Variants in AK9 observed in about 807,000 individuals in gnomAD.
AK9 encodes the protein adenylate kinase 9.
A neutral mutation model predicts 239.6 loss-of-function variants in AK9; 191 were observed. That is an observed-to-expected ratio of 0.80 (90% confidence interval 0.71 to 0.90). The LOEUF is 0.90. AK9 is among the 40% of genes least tolerant of loss of function. The pLI is 0.00. For synonymous variants in AK9, 689 were observed against 721.0 expected, an observed-to-expected ratio of 0.96 and a Z score of 0.71; for missense variants, 1,995 against 2,214.7, an observed-to-expected ratio of 0.90 and a Z score of 1.99.
intron 6 of AK9, among the ~76,000 whole-genome samples, chr6:109,662,283 G>T (rs1202271463): frequency 1.3e-5 from 2 of 152,166 alleles, no homozygotes. Context: ...CGGGGTAGTT[G>T]TCAGGGAAAG....
rs780947956 is a variant in AK9 at position 109,506,560 on chromosome 6, CAG to C, written c.4629-15_4629-14del. 1.2e-5 allele frequency: 18 copies of C among 1,561,372 alleles called. No individual in the cohort carries two copies. The South Asian group carries it at 1.5e-4, about 13-fold the overall frequency. The stretch of plus-strand genomic sequence containing the variant: ...TGGATAAGGCAATCTAATAGGGAAA[CAG>C]AGAAGGAATGGAAAAAGCTGTTAAA... On this transcript the variant is annotated splice_polypyrimidine_tract_variant and intron_variant, in intron 34 of 40. Coordinates refer to ENST00000424296, the MANE Select transcript of AK9 (RefSeq NM_001145128.3).
intron 24 of AK9, among the ~76,000 whole-genome samples, chr6:109,559,069 C>T (rs1785377287): frequency 6.6e-6 from 1 of 151,692 alleles, no homozygotes; most frequent in Non-Finnish European, 1.5e-5. Flanking sequence ...GCTAAGCTGC[C>T]TCGAACTCCT....
At chr6:109,682,620 C>T (rs142644646) in intron 1 of AK9, among the ~76,000 whole-genome samples, 170 of 152,110 alleles carry the variant, frequency 1.1e-3, no homozygotes, top group African/African-American at 3.9e-3. Context: ...ACCATAAACA[C>T]CTCTCAGCAA....
intron 21 of AK9, 55 bp from the exon 22 acceptor site, chr6:109,564,900 T>A (rs954610596): frequency 1.3e-5 from 18 of 1,335,624 alleles, no homozygotes; most frequent in Non-Finnish European, 1.8e-5. Context: ...TATTCCTTTA[T>A]GAAAGTTTTG....
intron 35 of AK9, among the ~76,000 whole-genome samples, chr6:109,505,526 T>C (rs1199140183): frequency 6.6e-6 from 1 of 152,256 alleles, no homozygotes; most frequent in Non-Finnish European, 1.5e-5. Flanking sequence ...AGTTTTTTTA[T>C]GGACTCAACA....
In AK9 at chr6:109,656,791, TAAC is replaced by T. The variant is rs780939370; in HGVS notation, c.721_723del (p.Val241del). On this transcript the variant is annotated inframe_deletion, in exon 8 of 41. Coordinates refer to ENST00000424296, the MANE Select transcript of AK9 (RefSeq NM_001145128.3). The stretch of plus-strand genomic sequence containing the variant: ...TGGAGAATTGTTTCCTTATAAAGCT[TAAC>T]AATGTTTTCAACATTTTCCAAATAA... The T allele has an allele frequency of 8.1e-6, 13 of 1,604,808 alleles. No homozygotes were observed. Among genetic ancestry groups the T allele is most frequent in the Non-Finnish European group, 1.0e-5 (12 of 1,172,312 alleles).
At chr6:109,562,015 A>G (rs1785842304) in intron 24 of AK9, among the ~76,000 whole-genome samples, 1 of 152,190 alleles carries the variant, frequency 6.6e-6, no homozygotes, top group South Asian at 2.1e-4. Flanking sequence ...AAACTTCTTG[A>G]GCAGTGATCT....
At chr6:109,519,507 A>G (rs1274754808) in intron 29 of AK9, among the ~76,000 whole-genome samples, 1 of 152,046 alleles carries the variant, frequency 6.6e-6, no homozygotes, top group Admixed American at 6.6e-5. Flanking sequence ...AATAATAGCC[A>G]TTCTAGGTCA....
At chr6:109,583,124 T>A (rs1285895264) in intron 19 of AK9, among the ~76,000 whole-genome samples, 1 of 152,218 alleles carries the variant, frequency 6.6e-6, no homozygotes, top group African/African-American at 2.4e-5. Flanking sequence ...CTTGCTTTAC[T>A]GTGGTGGCCT....
chr6:109,629,635 A>AAT (rs1562517833), intron 12 of AK9, among the ~76,000 whole-genome samples: 1 of 148,048 alleles, frequency 6.8e-6, no homozygotes. Context: ...TATTTGAAAA[A>AAT]TTTTTTTTTT....
chr6:109,573,525 G>T lies in AK9; in HGVS notation c.2261C>A (p.Pro754His). The T allele has an allele frequency of 1.3e-6, 2 of 1,551,234 alleles. No homozygotes were observed. The highest frequency in any genetic ancestry group is 3.9e-5 in the Admixed American group (2 of 50,982). ...EGDELEVHEE[P>H]EASHDTRGSW... ...CCCTCGGGTATCGTGAGATGCCTCA[G>T]GCTCTTCGTGAACTTCCAACTCATC... The change falls in exon 21 of 41, where the codon CCT becomes CAT. Residue 754 changes from proline to histidine, a missense_variant. Pro to His is a moderately conservative substitution (Grantham distance 77). Around this residue, in one of 5 missense-constraint regions of AK9, gnomAD observed 1,290 missense variants for 1,392.7 expected, o/e 0.93. Coordinates refer to ENST00000424296, the MANE Select transcript of AK9 (RefSeq NM_001145128.3).
At chr6:109,570,163 A>G (rs2128192179) in intron 21 of AK9, among the ~76,000 whole-genome samples, 1 of 152,300 alleles carries the variant, frequency 6.6e-6, no homozygotes, top group African/African-American at 2.4e-5. Flanking sequence ...CATCATTCTC[A>G]GCAAACTATC....
intron 29 of AK9, among the ~76,000 whole-genome samples, chr6:109,519,311 A>G (rs965154489): frequency 6.6e-6 from 1 of 151,974 alleles, no homozygotes; most frequent in Non-Finnish European, 1.5e-5. Context: ...AGAACAATTT[A>G]TTTTCTTTTG....
intron 17 of AK9, among the ~76,000 whole-genome samples, chr6:109,590,283 T>C (rs562253526): frequency 1.3e-5 from 2 of 152,280 alleles, no homozygotes; most frequent in South Asian, 4.1e-4. Flanking sequence ...CTATTTCTTC[T>C]AGTTCATCTT....
chr6:109,622,089 T>C (rs1374970088), intron 12 of AK9, among the ~76,000 whole-genome samples: 2 of 147,164 alleles, frequency 1.4e-5, no homozygotes, highest in Non-Finnish European at 3.0e-5. Flanking sequence ...ATATGTGTAT[T>C]ATATATTGTA....
At chr6:109,623,908 T>TCACACACACA (rs1795183687) in intron 12 of AK9, among the ~76,000 whole-genome samples, 1 of 128,236 alleles carries the variant, frequency 7.8e-6, no homozygotes, top group African/African-American at 2.8e-5. Context: ...CACACACATT[T>TCACACACACA]CTTCTCCCAC....
chr6:109,688,594 G>A (rs1483710476), intron 1 of AK9, among the ~76,000 whole-genome samples: 6 of 152,198 alleles, frequency 3.9e-5, no homozygotes, highest in South Asian at 4.1e-4. Context: ...TGAGGAACAT[G>A]CTTTGAATCA....
At chr6:109,542,209 A>G (rs754134332) in intron 26 of AK9, 38 bp from the exon 27 acceptor site, 1 of 1,543,102 alleles carries the variant, frequency 6.5e-7, no homozygotes, top group South Asian at 1.2e-5. Flanking sequence ...AAGTTTTAAA[A>G]CTCTATGCTA....
chr6:109,641,431 T>A, intron 10 of AK9, 87 bp downstream of exon 10: 5 of 946,316 alleles, frequency 5.3e-6, no homozygotes, highest in Non-Finnish European at 6.3e-6. Flanking sequence ...CCAGTGATCC[T>A]CCCATGGGAT....
Sources: allele counts gnomAD v4.1 joint callset (sites outside exome capture counted in the v4.1 genomes callset), GRCh38; gene constraint gnomAD v4.1.1; regional missense constraint gnomAD v4.1.1; transcripts MANE v1.5; gene names NCBI Gene and HGNC (gene_info 2026-07-23, HGNC 2026-07-21).